The following CAMTA1 variants were observed in gnomAD, a reference collection of about 807,000 sequenced individuals.
CAMTA1 encodes the protein calmodulin-binding transcription activator 1.
A neutral mutation model predicts 170.9 loss-of-function variants in CAMTA1; 27 were observed. The observed-to-expected ratio is 0.16, with a 90% CI of 0.12 to 0.22. The LOEUF is 0.22. CAMTA1 is among the 10% of genes least tolerant of loss of function. CAMTA1 has a pLI of 1.00. For synonymous variants in CAMTA1, 833 were observed against 891.5 expected, an observed-to-expected ratio of 0.93 and a Z score of 1.17; for missense variants, 1,619 against 2,217.2, an observed-to-expected ratio of 0.73 and a Z score of 5.42.
rs114306428 is a variant in CAMTA1 at position 6,996,062 on chromosome 1, C to T, written c.235-95242C>T. On this transcript the variant is annotated intron_variant, in intron 3 of 22. Transcript: ENST00000303635. ...ATGAAAGGGGCATTCCTTGGCAAGG[C>T]ATTTGCTATCTGCAGGAATTGTCTA... Among the ~76,000 whole-genome samples, 1,214 of 152,318 alleles carry T rather than the reference C, an allele frequency of 8.0e-3. 18 individuals are homozygous for T. The highest frequency in any genetic ancestry group is 0.028 in the African/African-American group (1,158 of 41,562).
intron 4 of CAMTA1, among the ~76,000 whole-genome samples, chr1:7,221,071 C>G (rs1660671285): frequency 6.6e-6 from 1 of 152,190 alleles, no homozygotes; most frequent in African/African-American, 2.4e-5. Flanking sequence ...CGGCACGGCA[C>G]CAGCACAGAT....
At chr1:7,418,531 C>T (rs1304500676) in intron 5 of CAMTA1, among the ~76,000 whole-genome samples, 1 of 152,188 alleles carries the variant, frequency 6.6e-6, no homozygotes, top group East Asian at 1.9e-4. Flanking sequence ...CCTCTTGTCC[C>T]CAGGACCTGA....
intron 5 of CAMTA1, among the ~76,000 whole-genome samples, chr1:7,313,259 A>G (rs1239722626): frequency 1.3e-5 from 2 of 152,092 alleles, no homozygotes; most frequent in African/African-American, 4.8e-5. Context: ...CTACCAATTC[A>G]ATTTCTCTTC....
rs2093248002 is a variant in CAMTA1 at position 7,467,822 on chromosome 1, C to T, written c.439-8C>T. On this transcript the variant is annotated splice_region_variant and splice_polypyrimidine_tract_variant and intron_variant, in intron 5 of 22. Transcript: ENST00000303635. ...CCAACTGAATTCTCGTTTTTCCTCT[C>T]TCCCTAGTGCTTGTACGGCTGCTAT... is the stretch of plus-strand genomic sequence containing the variant. The T allele has an allele frequency of 6.2e-7, 1 of 1,611,296 alleles. No homozygotes were observed. Among genetic ancestry groups the T allele is most frequent in the Non-Finnish European group, 8.5e-7 (1 of 1,177,510 alleles).
At chr1:7,188,210 G>A (rs934594657) in intron 4 of CAMTA1, among the ~76,000 whole-genome samples, 1 of 152,164 alleles carries the variant, frequency 6.6e-6, no homozygotes, top group Non-Finnish European at 1.5e-5. Flanking sequence ...CACAACACCT[G>A]AGGATTACAA....
intron 6 of CAMTA1, among the ~76,000 whole-genome samples, chr1:7,610,586 G>A (rs1157358873): frequency 6.6e-6 from 1 of 152,182 alleles, no homozygotes; most frequent in Admixed American, 6.5e-5. Context: ...GGCAGACTCC[G>A]TGGCCCCTCC....
intron 4 of CAMTA1, among the ~76,000 whole-genome samples, chr1:7,189,981 C>T (rs1471213069): frequency 6.6e-6 from 1 of 152,204 alleles, no homozygotes; most frequent in Admixed American, 6.5e-5. Flanking sequence ...ATGGCATTTG[C>T]AGTAACCTGG....
intron 5 of CAMTA1, among the ~76,000 whole-genome samples, chr1:7,263,069 G>T (rs993693556): frequency 6.6e-6 from 1 of 152,028 alleles, no homozygotes; most frequent in Non-Finnish European, 1.5e-5. Context: ...AACGAGATGC[G>T]ACACGGTATT....
chr1:7,735,177 G>T (rs182471776), intron 12 of CAMTA1, among the ~76,000 whole-genome samples: 9 of 152,184 alleles, frequency 5.9e-5, no homozygotes, highest in Admixed American at 1.3e-4. Context: ...AAAACAGTCC[G>T]CATCTAAGTG....
rs558324572 is a variant in CAMTA1 at position 6,903,038 on chromosome 1, T to C, written c.234+77828T>C. Among the ~76,000 whole-genome samples the C allele has an allele frequency of 1.9e-4, 29 of 152,172 alleles. 1 individual carries two copies. The highest frequency in any genetic ancestry group is 6.7e-4 in the African/African-American group (28 of 41,500). ...AAGAATGTTCATATAAAGCCAAAAA[T>C]AGAAACAGCCCAAATATCCATCAAC... On this transcript the variant is annotated intron_variant, in intron 3 of 22. Transcript: ENST00000303635.
At chr1:7,706,309 A>G (rs529475141) in intron 11 of CAMTA1, among the ~76,000 whole-genome samples, 4 of 152,290 alleles carry the variant, frequency 2.6e-5, no homozygotes, top group South Asian at 4.1e-4. Context: ...TGAATGCATT[A>G]TATTTTTTCC....
chr1:7,702,812 A>G (rs1244315150), intron 11 of CAMTA1, among the ~76,000 whole-genome samples: 1 of 152,122 alleles, frequency 6.6e-6, no homozygotes, highest in African/African-American at 2.4e-5. Flanking sequence ...AGAAACCCAG[A>G]AGCCACCCCA....
At chr1:7,137,908 G>A (rs906158548) in intron 4 of CAMTA1, among the ~76,000 whole-genome samples, 1 of 152,220 alleles carries the variant, frequency 6.6e-6, no homozygotes, top group Non-Finnish European at 1.5e-5. Context: ...CAGGTATGTG[G>A]ATGCTGGTTC....
intron 4 of CAMTA1, among the ~76,000 whole-genome samples, chr1:7,212,470 C>CT (rs934429154): frequency 6.6e-6 from 1 of 152,126 alleles, no homozygotes; most frequent in Non-Finnish European, 1.5e-5. Flanking sequence ...TTATTTTCTC[C>CT]TTTTTTTCTT....
intron 4 of CAMTA1, among the ~76,000 whole-genome samples, chr1:7,183,867 T>A (rs1015071): frequency 0.37 from 55,825 of 152,050 alleles, 10,262 homozygotes; most frequent in African/African-American, 0.41. Flanking sequence ...ATTTATGATA[T>A]GAAAATTGTA....
rs182813503 is a variant in CAMTA1 at position 7,054,573 on chromosome 1, G to A, written c.235-36731G>A. ...CAACTGGACAAGCCCTGGTGGGGCTGTGCATGCCGGTGGTGAGGGGGTCGT... is the reference window on the plus strand; with the variant it reads ...CAACTGGACAAGCCCTGGTGGGGCTATGCATGCCGGTGGTGAGGGGGTCGT... On this transcript the variant is annotated intron_variant, in intron 3 of 22. Transcript: ENST00000303635. 3.0e-4 allele frequency among the ~76,000 whole-genome samples: 46 copies of A among 152,370 alleles called. 1 individual carries two copies. In the East Asian group the frequency reaches 7.5e-3, roughly 25 times the overall value.
At chr1:7,568,288 T>C (rs901923709) in intron 6 of CAMTA1, among the ~76,000 whole-genome samples, 5 of 137,048 alleles carry the variant, frequency 3.6e-5, no homozygotes, top group Non-Finnish European at 6.1e-5. Context: ...ATCATCATCA[T>C]CACCACATCA....
intron 3 of CAMTA1, among the ~76,000 whole-genome samples, chr1:6,880,083 T>A (rs928915857): frequency 1.1e-4 from 16 of 151,614 alleles, no homozygotes; most frequent in African/African-American, 3.4e-4. Context: ...AAATTTTATT[T>A]ATTTTTTATA....
intron 3 of CAMTA1, among the ~76,000 whole-genome samples, chr1:6,976,741 A>C (rs2149613042): frequency 6.6e-6 from 1 of 152,324 alleles, no homozygotes; most frequent in East Asian, 1.9e-4. Context: ...CATGTCAGGC[A>C]AATAGCAAGC....
Sources: gnomAD v4.1 joint callset for allele counts (sites outside exome capture counted in the v4.1 genomes callset) on GRCh38, gnomAD v4.1.1 for gene constraint, MANE v1.5 for transcripts, NCBI Gene and HGNC (gene_info 2026-07-23, HGNC 2026-07-21) for gene names.